Variants in UBE2J2 observed in about 807,000 individuals in gnomAD.
The protein encoded by UBE2J2 is ubiquitin conjugating enzyme E2 J2.
A neutral mutation model predicts 28.6 loss-of-function variants in UBE2J2; 5 were observed. The ratio of observed to expected loss-of-function variants is 0.17; its 90% CI spans 0.09 to 0.37. The LOEUF is 0.37. UBE2J2 is among the 10% of genes least tolerant of loss of function. UBE2J2 has a pLI of 1.00. For synonymous variants in UBE2J2, 138 were observed against 139.7 expected (o/e 0.99, Z 0.09); for missense variants, 226 against 338.9 (o/e 0.67, Z 2.62).
At chr1:1,257,941 A>G (rs1470245995) in intron 3 of UBE2J2, among the ~76,000 whole-genome samples, 1 of 151,920 alleles carries the variant, frequency 6.6e-6, no homozygotes, top group African/African-American at 2.4e-5. Context: ...TCCCCTCCCA[A>G]GCTCTCAAAT....
At chr1:1,262,048 G>C (rs1279442850) in intron 3 of UBE2J2, 2 of 252,750 alleles carry the variant, frequency 7.9e-6, no homozygotes, top group African/African-American at 2.3e-5. Flanking sequence ...GTAGAGATGG[G>C]GTTTCTCCGT....
chr1:1,271,100 G>A lies in UBE2J2; in HGVS notation c.-1+2566C>T, dbSNP rs74738322. Reference sequence around the variant, plus strand: ...CCATGTGACCCCACACACAACGCAGGGCCCTTCTGGGCCCCAGCGGGTTCC... The same window carrying A: ...CCATGTGACCCCACACACAACGCAGAGCCCTTCTGGGCCCCAGCGGGTTCC... On this transcript the variant is annotated intron_variant, in intron 1 of 6. Transcript: ENST00000349431. Among the ~76,000 whole-genome samples the A allele has an allele frequency of 5.7e-3, 874 of 152,326 alleles. 4 individuals are homozygous for A. The highest frequency in any genetic ancestry group is 7.5e-3 in the African/African-American group (310 of 41,582).
At chr1:1,262,400 A>G in intron 3 of UBE2J2, 1 of 451,242 alleles carries the variant, frequency 2.2e-6, no homozygotes, top group Non-Finnish European at 4.5e-6. Context: ...CCTGGGCCAA[A>G]GGAGAGTCCA....
At chr1:1,258,948 G>A (rs1639375307) in intron 3 of UBE2J2, among the ~76,000 whole-genome samples, 1 of 152,254 alleles carries the variant, frequency 6.6e-6, no homozygotes, top group African/African-American at 2.4e-5. Context: ...GACCACAAGT[G>A]CACAAGCCAG....
chr1:1,257,055 C>T lies in UBE2J2; in HGVS notation c.351G>A (p.Gly117=). 1.2e-6 allele frequency: 2 copies of T among 1,612,992 alleles called. No homozygotes were observed. Among genetic ancestry groups the T allele is most frequent in the Non-Finnish European group, 1.7e-6 (2 of 1,179,508 alleles). Residue 117 remains glycine (G), a synonymous_variant, in exon 5 of 7, where the codon GGG becomes GGA. Transcript: ENST00000349431. ...PAWSVSTILT[G]LLSFMVEKGP... ...CCTTCTCCACCATGAAGCTCAGGAG[C>T]CCAGTCAGGATGGTGGAGACAGACC...
At chr1:1,258,991 G>T (rs895691942) in intron 3 of UBE2J2, among the ~76,000 whole-genome samples, 1 of 152,264 alleles carries the variant, frequency 6.6e-6, no homozygotes. Flanking sequence ...GCGTTGACGT[G>T]TGTGTGCATG....
intron 6 of UBE2J2, 52 bp from the exon 7 acceptor site, chr1:1,255,539 G>A (rs756546426): frequency 3.2e-6 from 5 of 1,564,570 alleles, no homozygotes; most frequent in Non-Finnish European, 4.3e-6. Flanking sequence ...GCGCCTTTCA[G>A]GACCAGCACT....
intron 1 of UBE2J2, among the ~76,000 whole-genome samples, chr1:1,272,124 A>G (rs959459722): frequency 2.0e-5 from 3 of 152,048 alleles, no homozygotes; most frequent in Middle Eastern, 3.4e-3. Flanking sequence ...ACTGCACTCT[A>G]GCTGGGCCAA....
rs768756984 is a variant in UBE2J2, at chr1:1,254,290, T to A, written c.*913A>T. 2 of 152,220 alleles carry A rather than the reference T, an allele frequency of 1.3e-5. No homozygotes were observed. Among genetic ancestry groups the A allele is most frequent in the Non-Finnish European group, 2.9e-5 (2 of 68,040 alleles). The allele number at this position is 152,220 out of a possible 1,614,324, so 9.4% of individuals were successfully genotyped here. A position where few individuals can be genotyped will look rare whatever the true frequency, so the allele number is the denominator to read the frequency against. On this transcript the variant is annotated 3_prime_UTR_variant, in exon 7 of 7. Coordinates refer to ENST00000349431, the MANE Select transcript of UBE2J2 (RefSeq NM_058167.3). The stretch of plus-strand genomic sequence containing the variant: ...ACAGCGAACACCCGGGCCGGAGCCA[T>A]TACCTACTGTGAAGGCCAGCGCAGG...
intron 1 of UBE2J2, chr1:1,273,118 A>T (rs1288971514): frequency 6.6e-6 from 1 of 152,194 alleles, no homozygotes; most frequent in Non-Finnish European, 1.5e-5. Flanking sequence ...GATGCAGGGA[A>T]CTGGCAGGTG....
rs1419243057 is a variant in UBE2J2 at position 1,257,280 on chromosome 1, G to A, written c.203C>T (p.Pro68Leu). Residue 68 changes from proline (P) to leucine (L), a missense_variant, in exon 4 of 7, where the codon CCC (proline) becomes CTC (leucine). By Grantham distance (98) the Pro-to-Leu change is moderately conservative. Coordinates refer to ENST00000349431, the MANE Select transcript of UBE2J2 (RefSeq NM_058167.3). ...GGGAGGTTTGAAAGGAAATTCTCTGGGAAAAATTAGTTTTCCATGATAATA... is the reference window on the plus strand; with the variant it reads ...GGGAGGTTTGAAAGGAAATTCTCTGAGAAAAATTAGTTTTCCATGATAATA... ...GGYYHGKLIFPREFPFKPPSI... is the reference protein window; with the variant it reads ...GGYYHGKLIFLREFPFKPPSI... 1 of 1,612,570 alleles carries A rather than the reference G, an allele frequency of 6.2e-7. No individual in the cohort carries two copies. The highest frequency in any genetic ancestry group is 8.5e-7 in the Non-Finnish European group (1 of 1,179,516).
intron 2 of UBE2J2, among the ~76,000 whole-genome samples, chr1:1,265,581 GTGTGTGTGTGTTTTCTCTCCAT>G (rs1639804067): frequency 1.3e-5 from 2 of 150,220 alleles, no homozygotes; most frequent in South Asian, 2.1e-4. Context: ...GTGTGTGTGT[GTGTGTGTGTGTTTTCTCTCCAT>G]TGTGTGTGTG....
rs748967036 is a variant in UBE2J2 at position 1,255,162 on chromosome 1, G to A, written c.*41C>T. On this transcript the variant is annotated 3_prime_UTR_variant, in exon 7 of 7. Transcript: ENST00000349431. ...GCCTGCCGAGGTCACGCTCTGGTGC[G>A]CGGTGCCCTCAGTGGCGCCTTGGGT... 55 of 1,543,052 alleles carry A rather than the reference G, an allele frequency of 3.6e-5. No homozygotes were observed. Among genetic ancestry groups the A allele is most frequent in the African/African-American group, 3.3e-4 (24 of 73,486 alleles).
At chr1:1,263,621 C>T in intron 2 of UBE2J2, 1 of 435,972 alleles carries the variant, frequency 2.3e-6, no homozygotes, top group Non-Finnish European at 4.2e-6. Flanking sequence ...TATAAGTTTA[C>T]CATAAAGTAC....
intron 1 of UBE2J2, among the ~76,000 whole-genome samples, chr1:1,272,566 C>T (rs1001546397): frequency 6.6e-6 from 1 of 152,150 alleles, no homozygotes; most frequent in African/African-American, 2.4e-5. Context: ...GACGGAAGCC[C>T]GGGCCGATGG....
At chr1:1,256,200 A>G in intron 5 of UBE2J2, 75 bp from the exon 6 acceptor site, 1 of 1,131,104 alleles carries the variant, frequency 8.8e-7, no homozygotes, top group Non-Finnish European at 1.3e-6. Flanking sequence ...AGATGATTTC[A>G]AAGTCAAGGG....
At chr1:1,260,190 G>A (rs750449041) in intron 3 of UBE2J2, among the ~76,000 whole-genome samples, 1 of 152,154 alleles carries the variant, frequency 6.6e-6, no homozygotes, top group African/African-American at 2.4e-5. Flanking sequence ...CCTGGCGTGC[G>A]GCCACATCCA....
chr1:1,266,474 C>T (rs1254632562), intron 2 of UBE2J2, among the ~76,000 whole-genome samples: 2 of 151,828 alleles, frequency 1.3e-5, no homozygotes, highest in Non-Finnish European at 1.5e-5. Flanking sequence ...CACAGTGAGC[C>T]GAGATCACGC....
intron 2 of UBE2J2, among the ~76,000 whole-genome samples, chr1:1,263,813 C>G (rs1315373400): frequency 2.0e-5 from 3 of 149,606 alleles, no homozygotes; most frequent in Non-Finnish European, 4.4e-5. Context: ...GGCAACATAG[C>G]AAGACCCCAC....
Sources: allele counts gnomAD v4.1 joint callset (sites outside exome capture counted in the v4.1 genomes callset), GRCh38; gene constraint gnomAD v4.1.1; transcripts MANE v1.5; gene names NCBI Gene and HGNC (gene_info 2026-07-23, HGNC 2026-07-21).